Variants in AP1S3 observed in about 807,000 individuals in gnomAD.
AP1S3 encodes adaptor related protein complex 1 subunit sigma 3, also known as AP-1 complex subunit sigma-3.
A neutral mutation model predicts 20.9 loss-of-function variants in AP1S3; 10 were observed. The ratio of observed to expected loss-of-function variants is 0.48; its 90% CI spans 0.29 to 0.81. The LOEUF (loss-of-function observed/expected upper bound fraction) is 0.81, where lower values mean the gene tolerates loss of function less well. AP1S3 is among the 30% of genes least tolerant of loss of function. The pLI, the probability that AP1S3 is intolerant of heterozygous loss-of-function variation, is 0.08. For missense variants in AP1S3, 154 were observed against 183.8 expected, an observed-to-expected ratio of 0.84 and a Z score of 0.94; for synonymous variants, 41 against 61.5, an observed-to-expected ratio of 0.67 and a Z score of 1.56.
intron 1 of AP1S3, among the ~76,000 whole-genome samples, chr2:223,820,931 G>C (rs1312721034): frequency 2.0e-5 from 3 of 152,078 alleles, no homozygotes; most frequent in African/African-American, 7.2e-5. Flanking sequence ...CATCATGCCT[G>C]AAATACACTT....
At chr2:223,806,065 G>T (rs1380523281) in intron 1 of AP1S3, among the ~76,000 whole-genome samples, 1 of 151,932 alleles carries the variant, frequency 6.6e-6, no homozygotes, top group African/African-American at 2.4e-5. Flanking sequence ...GCCAAACTTG[G>T]GTCAAACACA....
rs565955185 is a variant in AP1S3 at position 223,756,783 on chromosome 2, C to T, written c.*1932G>A. 1.0e-5 allele frequency: 10 copies of T among 985,338 alleles called. No homozygotes were observed. Among genetic ancestry groups the T allele is most frequent in the East Asian group, 2.3e-4 (2 of 8,808 alleles). The allele number at this position is 985,338 out of a possible 1,614,324, so 61.0% of individuals were successfully genotyped here. On this transcript the variant is annotated 3_prime_UTR_variant, in exon 5 of 5. Coordinates refer to ENST00000396654, the MANE Select transcript of AP1S3 (RefSeq NM_001039569.2). ...GTCTGCTGAGATGAACTAAAGAGAA[C>T]ATTTTTCCATCGAGTTCTCTAAAAA...
rs1162147257 is a variant in AP1S3, at chr2:223,758,717, A to C, written c.463T>G (p.Ter155GluextTer16). 6.2e-7 allele frequency: 1 copy of C among 1,608,466 alleles called. No individual in the cohort carries two copies. The highest frequency in any genetic ancestry group is 8.5e-7 in the Non-Finnish European group (1 of 1,177,660). The stretch of plus-strand genomic sequence containing the variant: ...GGAGTCTTCAAGTAGATTTCCAGTT[A>C]AAATGTAGGCTTGTTCATGTATTCT... ...MEEYMNKPTF* is the reference protein window; with the variant it reads ...MEEYMNKPTFE Residue 155 changes from the stop codon to glutamate (E), a stop_lost, in exon 5 of 5, where the codon TAA (stop) becomes GAA (glutamate). Transcript: ENST00000396654.
intron 1 of AP1S3, among the ~76,000 whole-genome samples, chr2:223,797,721 G>A (rs1170265452): frequency 2.6e-5 from 4 of 152,074 alleles, no homozygotes; most frequent in African/African-American, 4.8e-5. Flanking sequence ...AGCTGAGATC[G>A]TACCTCTTCA....
intron 1 of AP1S3, among the ~76,000 whole-genome samples, chr2:223,792,685 C>A (rs774184899): frequency 6.6e-5 from 10 of 152,008 alleles, no homozygotes; most frequent in Non-Finnish European, 1.3e-4. Flanking sequence ...GACAAAAATG[C>A]CAAAAGCAAT....
intron 1 of AP1S3, among the ~76,000 whole-genome samples, chr2:223,829,091 C>G (rs1472165961): frequency 6.6e-6 from 1 of 152,176 alleles, no homozygotes; most frequent in African/African-American, 2.4e-5. Context: ...GCCTTGGCCT[C>G]CCAAAGTGCT....
intron 1 of AP1S3, among the ~76,000 whole-genome samples, chr2:223,828,295 C>CTTTTTTTTTTTTTTTTTTTTT (rs775000674): frequency 1.5e-5 from 2 of 131,386 alleles, no homozygotes; most frequent in Non-Finnish European, 1.6e-5. Context: ...TCCTCTCTCT[C>CTTTTTTTTTTTTTTTTTTTTT]TTTTTTTTTT....
chr2:223,777,874 A>C lies in AP1S3; in HGVS notation c.4-5T>G, dbSNP rs771947356. The C allele has an allele frequency of 6.2e-7, 1 of 1,607,236 alleles. No individual in the cohort carries two copies. Among genetic ancestry groups the C allele is most frequent in the Admixed American group, 1.7e-5 (1 of 58,658 alleles). On this transcript the variant is annotated splice_polypyrimidine_tract_variant and splice_region_variant and intron_variant, in intron 1 of 4. Coordinates refer to ENST00000396654, the MANE Select transcript of AP1S3 (RefSeq NM_001039569.2). ...GAAGAGCAATATGAAATGTATCTAG[A>C]ACAAAGGACACAAAAAACAGAACCT...
Position 223,765,165 on chromosome 2 carries a change from T to A in AP1S3, c.429+48A>T, listed in dbSNP as rs576903086. 1.9e-6 allele frequency: 3 copies of A among 1,603,148 alleles called. No individual in the cohort carries two copies. In the East Asian group the frequency reaches 6.7e-5, roughly 36 times the overall value. Reference sequence around the variant, plus strand: ...AATATTATAATTATTAACACCATCATCATCATCATCATCATCTTTCTCCCA... The same window carrying A: ...AATATTATAATTATTAACACCATCAACATCATCATCATCATCTTTCTCCCA... On this transcript the variant is annotated intron_variant, in intron 4 of 4. Coordinates refer to ENST00000396654, the MANE Select transcript of AP1S3 (RefSeq NM_001039569.2).
At chr2:223,762,207 G>A (rs979461771) in intron 4 of AP1S3, among the ~76,000 whole-genome samples, 2 of 149,958 alleles carry the variant, frequency 1.3e-5, no homozygotes, top group African/African-American at 4.9e-5. Context: ...ACCTGACCTC[G>A]TGATCCACCT....
intron 1 of AP1S3, among the ~76,000 whole-genome samples, chr2:223,804,709 G>C (rs901946619): frequency 2.7e-5 from 4 of 147,082 alleles, no homozygotes; most frequent in African/African-American, 1.0e-4. Flanking sequence ...GAGTGACAGA[G>C]ACTGTTTCAA....
chr2:223,833,241 A>AATACATACATAC (rs56906676), intron 1 of AP1S3, among the ~76,000 whole-genome samples: 1,556 of 148,538 alleles, frequency 0.01, 23 homozygotes, highest in African/African-American at 0.027. Flanking sequence ...TTAAAGGCAA[A>AATACATACATAC]ATACATACAT....
At chr2:223,764,599 C>T (rs1690433615) in intron 4 of AP1S3, among the ~76,000 whole-genome samples, 1 of 152,066 alleles carries the variant, frequency 6.6e-6, no homozygotes, top group Non-Finnish European at 1.5e-5. Flanking sequence ...CACAGTGTTC[C>T]CAATTTCTTT....
intron 1 of AP1S3, among the ~76,000 whole-genome samples, chr2:223,807,707 C>G (rs1691617802): frequency 1.3e-5 from 2 of 151,932 alleles, no homozygotes; most frequent in Non-Finnish European, 2.9e-5. Flanking sequence ...TTCCTGCTCC[C>G]CCACATAAGA....
intron 3 of AP1S3, among the ~76,000 whole-genome samples, chr2:223,769,661 T>C (rs1690562334): frequency 1.3e-5 from 2 of 151,082 alleles, no homozygotes; most frequent in South Asian, 4.2e-4. Flanking sequence ...TGCACAAATA[T>C]GGCAAGAGCT....
At chr2:223,801,578 G>A (rs1463529338) in intron 1 of AP1S3, among the ~76,000 whole-genome samples, 1 of 152,102 alleles carries the variant, frequency 6.6e-6, no homozygotes, top group Non-Finnish European at 1.5e-5. Flanking sequence ...CCGTGTAGCT[G>A]GGATTACAGG....
intron 1 of AP1S3, among the ~76,000 whole-genome samples, chr2:223,827,634 C>T (rs1027410495): frequency 3.9e-5 from 6 of 151,930 alleles, no homozygotes; most frequent in Admixed American, 3.9e-4. Context: ...GATCTACCCA[C>T]CTCACCCTCC....
intron 1 of AP1S3, among the ~76,000 whole-genome samples, chr2:223,792,624 G>A (rs892664194): frequency 1.3e-5 from 2 of 152,028 alleles, no homozygotes; most frequent in African/African-American, 4.8e-5. Flanking sequence ...AGAAACCATA[G>A]AAGAAAAGCT....
intron 1 of AP1S3, among the ~76,000 whole-genome samples, chr2:223,807,637 G>A (rs1434065562): frequency 6.6e-6 from 1 of 152,066 alleles, no homozygotes; most frequent in Non-Finnish European, 1.5e-5. Context: ...GCGATAGTAA[G>A]TGAGGAAGTT....
Sources: gnomAD v4.1 joint callset for allele counts (sites outside exome capture counted in the v4.1 genomes callset) on GRCh38, gnomAD v4.1.1 for gene constraint, MANE v1.5 for transcripts, NCBI Gene and HGNC (gene_info 2026-07-23, HGNC 2026-07-21) for gene names.